RPSA2: variants seen among roughly 807,000 people sequenced by gnomAD.
RPSA2 encodes the protein ribosomal protein SA 2.
At chr19:23,787,097 T>C in the RPSA2 span, among the ~76,000 whole-genome samples, 1 of 152,272 alleles carries the variant, frequency 6.6e-6, no homozygotes, top group East Asian at 1.9e-4. Context: ...AATTGTAGCA[T>C]ATTGCTACAC....
At chr19:23,797,947 T>C in the RPSA2 span, among the ~76,000 whole-genome samples, 1 of 152,168 alleles carries the variant, frequency 6.6e-6, no homozygotes, top group East Asian at 1.9e-4. Context: ...TAAGAGAAAA[T>C]ATCTTACTAA....
At chr19:23,851,001 G>A in the RPSA2 span, among the ~76,000 whole-genome samples, 3 of 152,146 alleles carry the variant, frequency 2.0e-5, no homozygotes, top group Non-Finnish European at 2.9e-5. Context: ...TAAATCAAAA[G>A]CCTTACATAT....
At chr19:23,844,139 T>G in the RPSA2 span, among the ~76,000 whole-genome samples, 1 of 152,182 alleles carries the variant, frequency 6.6e-6, no homozygotes, top group African/African-American at 2.4e-5. Context: ...TAATTGCCTG[T>G]TTGTGGGGGC....
chr19:23,764,289 A>G, the RPSA2 span, among the ~76,000 whole-genome samples: 1 of 152,160 alleles, frequency 6.6e-6, no homozygotes, highest in Non-Finnish European at 1.5e-5. Flanking sequence ...TTGCAGTAAA[A>G]TTATAAATTT....
the RPSA2 span, chr19:23,827,164 G>A: frequency 6.8e-6 from 6 of 877,092 alleles, no homozygotes; most frequent in African/African-American, 1.6e-5. Context: ...CTTTCACAAT[G>A]TCCGGAGCCC....
At chr19:23,761,906 T>TCTCTCTC in the RPSA2 span, among the ~76,000 whole-genome samples, 13 of 92,126 alleles carry the variant, frequency 1.4e-4, no homozygotes, top group Non-Finnish European at 1.8e-4. Flanking sequence ...ACGTAATTCT[T>TCTCTCTC]TCTTTCTTTC....
the RPSA2 span, among the ~76,000 whole-genome samples, chr19:23,864,063 A>G: frequency 2.0e-5 from 3 of 152,156 alleles, no homozygotes; most frequent in Admixed American, 2.0e-4. Context: ...AAGAAGACCG[A>G]ACATGCACAC....
the RPSA2 span, among the ~76,000 whole-genome samples, chr19:23,771,220 G>A: frequency 1.1e-4 from 16 of 152,252 alleles, no homozygotes; most frequent in Non-Finnish European, 1.8e-4. Flanking sequence ...CAATGTTGAG[G>A]TTCTGAATCT....
At chr19:23,801,804 A>G in the RPSA2 span, among the ~76,000 whole-genome samples, 2 of 152,188 alleles carry the variant, frequency 1.3e-5, no homozygotes, top group Non-Finnish European at 2.9e-5. Flanking sequence ...GATTCCAGGC[A>G]TCTTGAATAT....
the RPSA2 span, among the ~76,000 whole-genome samples, chr19:23,830,099 C>T: frequency 1.7e-4 from 25 of 150,266 alleles, no homozygotes; most frequent in Non-Finnish European, 3.0e-4. Context: ...GTATAATTCT[C>T]ACTTAATAGG....
the RPSA2 span, among the ~76,000 whole-genome samples, chr19:23,852,560 C>A: frequency 6.6e-6 from 1 of 152,164 alleles, no homozygotes; most frequent in African/African-American, 2.4e-5. Flanking sequence ...AGGAAGATGC[C>A]CTTAAGACAC....
chr19:23,870,696 C>A, the RPSA2 span, among the ~76,000 whole-genome samples: 4 of 152,130 alleles, frequency 2.6e-5, no homozygotes, highest in Non-Finnish European at 5.9e-5. Flanking sequence ...TCTCTGTTTC[C>A]TGCTCATAGC....
the RPSA2 span, among the ~76,000 whole-genome samples, chr19:23,788,095 A>T: frequency 6.6e-6 from 1 of 152,188 alleles, no homozygotes; most frequent in Non-Finnish European, 1.5e-5. Flanking sequence ...CCAGTCGCCT[A>T]AATGATAGGT....
chr19:23,820,589 T>C, the RPSA2 span, among the ~76,000 whole-genome samples: 1 of 152,190 alleles, frequency 6.6e-6, no homozygotes, highest in Non-Finnish European at 1.5e-5. Flanking sequence ...ACTTCTGGTG[T>C]CCTTTATAGT....
the RPSA2 span, among the ~76,000 whole-genome samples, chr19:23,845,586 T>G: frequency 0.98 from 148,970 of 152,308 alleles, 72,947 homozygotes; most frequent in Middle Eastern, 1. Context: ...CTGCCTTCCA[T>G]GCTCAAGTGA....
chr19:23,821,662 C>T, the RPSA2 span, among the ~76,000 whole-genome samples: 1 of 152,212 alleles, frequency 6.6e-6, no homozygotes, highest in Admixed American at 6.5e-5. Context: ...CTCTTTGTTT[C>T]ATAGCCTTTG....
the RPSA2 span, among the ~76,000 whole-genome samples, chr19:23,761,921 T>TCTCTCGCTCTCTCTCTCTCTCTCTCTC: frequency 7.9e-5 from 6 of 76,142 alleles, no homozygotes; most frequent in Admixed American, 1.6e-4. Context: ...TCTTTCTTTC[T>TCTCTCGCTCTCTCTCTCTCTCTCTCTC]TTTTTTTTTT....
At chr19:23,792,338 A>T in the RPSA2 span, among the ~76,000 whole-genome samples, 1 of 152,126 alleles carries the variant, frequency 6.6e-6, no homozygotes, top group Non-Finnish European at 1.5e-5. Flanking sequence ...TCCCAACCTG[A>T]TTATCCAAGA....
At chr19:23,853,916 GA>G in the RPSA2 span, among the ~76,000 whole-genome samples, 1 of 152,114 alleles carries the variant, frequency 6.6e-6, no homozygotes, top group African/African-American at 2.4e-5. Flanking sequence ...TAAATTAGAG[GA>G]AATAATAGAA....
Sources: gnomAD v4.1 joint callset for allele counts (sites outside exome capture counted in the v4.1 genomes callset) on GRCh38, gnomAD v4.1.1 for gene constraint, MANE v1.5 for transcripts, NCBI Gene and HGNC (gene_info 2026-07-23, HGNC 2026-07-21) for gene names.